Variants in TARBP1 observed in about 807,000 individuals in gnomAD.
TARBP1 encodes tRNA guanosine 2 -O-methyltransferase TARBP1, also known as tRNA (guanosine(18)-2'-O)-methyltransferase TARBP1.
TARBP1 carries 144 observed loss-of-function variants against 178.6 expected under a neutral mutation model. That is an observed-to-expected ratio of 0.81 (90% CI 0.70 to 0.93). TARBP1 has a LOEUF of 0.93. TARBP1 is among the 40% of genes least tolerant of loss of function. The pLI is 0.00. For missense variants in TARBP1, 2,067 were observed against 2,011.7 expected, an observed-to-expected ratio of 1.03 and a Z score of -0.53; for synonymous variants, 787 against 781.0, an observed-to-expected ratio of 1.01 and a Z score of -0.13.
Position 234,413,558 on chromosome 1 carries a change from T to A in TARBP1, c.3706-3027A>T, listed in dbSNP as rs531161066. 2.0e-5 allele frequency among the ~76,000 whole-genome samples: 3 copies of A among 152,196 alleles called. No homozygotes were observed. In the East Asian group the frequency reaches 5.8e-4, roughly 29 times the overall value. On this transcript the variant is annotated intron_variant, in intron 22 of 29. Transcript: ENST00000040877. The stretch of plus-strand genomic sequence containing the variant: ...AAAACAGACAATCAGTGTGCCTAGG[T>A]AGTGAATTGAGAATAGACCACACAG...
intron 29 of TARBP1, 114 bp from the exon 30 acceptor site, chr1:234,391,859 T>C: frequency 6.2e-6 from 7 of 1,130,954 alleles, no homozygotes; most frequent in Non-Finnish European, 8.9e-6. Context: ...ATTCTGAATG[T>C]TACTAAAAGA....
At chr1:234,398,618 TA>T in intron 25 of TARBP1, 65 bp from the exon 26 acceptor site, 1 of 1,206,444 alleles carries the variant, frequency 8.3e-7, no homozygotes, top group Non-Finnish European at 1.1e-6. Context: ...ATATAACATT[TA>T]AAATACAACT....
chr1:234,396,130 T>C (rs916199035), intron 26 of TARBP1, among the ~76,000 whole-genome samples: 2 of 152,216 alleles, frequency 1.3e-5, no homozygotes, highest in African/African-American at 4.8e-5. Context: ...ATGGAAAGTC[T>C]ATTACAACAT....
At chr1:234,450,592 T>C (rs1303146797) in intron 9 of TARBP1, 26 bp from the exon 10 acceptor site, 8 of 1,598,898 alleles carry the variant, frequency 5.0e-6, no homozygotes, top group Non-Finnish European at 6.8e-6. Flanking sequence ...GTTATTACTT[T>C]ATTTTAAAAA....
Position 234,429,658 on chromosome 1 carries a change from A to T in TARBP1, c.2629T>A (p.Ser877Thr), listed in dbSNP as rs2103127842. The T allele has an allele frequency of 1.9e-6, 3 of 1,601,284 alleles. No homozygotes were observed. The highest frequency in any genetic ancestry group is 4.5e-5 in the East Asian group (2 of 44,794). The change falls in exon 16 of 30, where the codon TCT (serine) becomes ACT (threonine). Residue 877 changes from serine to threonine, a missense_variant. Physicochemically the swap from Ser to Thr is moderately conservative, Grantham distance 58. Transcript: ENST00000040877. ...ACTATTTTTCCCCATCCTTGGGAAGATGACGATTCTTCCAAAACACTGAAA... is the reference window on the plus strand; with the variant it reads ...ACTATTTTTCCCCATCCTTGGGAAGTTGACGATTCTTCCAAAACACTGAAA... ...ECSSVLEESSSSQGWGKIVAQ... is the reference protein window; with the variant it reads ...ECSSVLEESSTSQGWGKIVAQ...
chr1:234,407,986 T>C (rs1661433149), intron 23 of TARBP1: 1 of 152,192 alleles, frequency 6.6e-6, no homozygotes, highest in Non-Finnish European at 1.5e-5. Context: ...AAACCCACTA[T>C]AATTCTCAAT....
At chr1:234,453,278 C>A (rs1666964448) in intron 9 of TARBP1, among the ~76,000 whole-genome samples, 1 of 150,174 alleles carries the variant, frequency 6.7e-6, no homozygotes, top group Admixed American at 6.6e-5. Flanking sequence ...TGTGTAGGGA[C>A]AGGAAGAGTG....
chr1:234,432,512 C>A (rs112152910), intron 14 of TARBP1, among the ~76,000 whole-genome samples: 1 of 152,018 alleles, frequency 6.6e-6, no homozygotes, highest in African/African-American at 2.4e-5. Flanking sequence ...GAAATACACA[C>A]TACAAGTGAG....
chr1:234,429,303 G>A lies in TARBP1; in HGVS notation c.2893C>T (p.Leu965Phe). Reference protein sequence around the residue: ...VPKLLTSSESLCIESFDMAWK... With the variant: ...VPKLLTSSESFCIESFDMAWK... ...GCCATGTCAAAAGACTCTATGCAGA[G>A]TGATTCAGAGGAAGTCAGAAGCTGG... Residue 965 changes from leucine to phenylalanine, a missense_variant, in exon 17 of 30, where the codon CTC (leucine) becomes TTC (phenylalanine). Coordinates refer to ENST00000040877, the MANE Select transcript of TARBP1 (RefSeq NM_005646.4). 6.3e-7 allele frequency: 1 copy of A among 1,580,572 alleles called. No individual in the cohort carries two copies. Among genetic ancestry groups the A allele is most frequent in the Non-Finnish European group, 8.5e-7 (1 of 1,171,184 alleles).
At chr1:234,448,021 C>A (rs1216463569) in intron 11 of TARBP1, among the ~76,000 whole-genome samples, 1 of 152,160 alleles carries the variant, frequency 6.6e-6, no homozygotes, top group Non-Finnish European at 1.5e-5. Flanking sequence ...CTCACTGCAA[C>A]CTCCGCCACC....
intron 9 of TARBP1, among the ~76,000 whole-genome samples, chr1:234,454,990 G>A (rs866837473): frequency 2.6e-5 from 4 of 152,182 alleles, no homozygotes; most frequent in East Asian, 3.8e-4. Flanking sequence ...ATATGAAGAC[G>A]AAGCAGAGAT....
At chr1:234,477,208 C>G (rs1381167812) in intron 1 of TARBP1, among the ~76,000 whole-genome samples, 1 of 149,732 alleles carries the variant, frequency 6.7e-6, no homozygotes, top group African/African-American at 2.5e-5. Context: ...ACAAACAAAA[C>G]TGCAAAATAA....
chr1:234,433,471 C>A lies in TARBP1; in HGVS notation c.2333G>T (p.Arg778Ile). Residue 778 changes from arginine (R) to isoleucine (I), a missense_variant, in exon 14 of 30, where the codon AGA (arginine) becomes ATA (isoleucine). Coordinates refer to ENST00000040877, the MANE Select transcript of TARBP1 (RefSeq NM_005646.4). Reference protein sequence around the residue: ...VGWKRGNPIWRVISLLKNASI... With the variant: ...VGWKRGNPIWIVISLLKNASI... ...TGCATTTTTCAAAAGAGAAATAACT[C>A]TCCAGATAGGGTTACCCCTTTTCCA... 1.9e-6 allele frequency: 3 copies of A among 1,614,120 alleles called. No homozygotes were observed. Among genetic ancestry groups the A allele is most frequent in the Non-Finnish European group, 2.5e-6 (3 of 1,180,006 alleles).
At chr1:234,460,621 C>G (rs187541399) in intron 6 of TARBP1, among the ~76,000 whole-genome samples, 1 of 152,054 alleles carries the variant, frequency 6.6e-6, no homozygotes, top group East Asian at 1.9e-4. Flanking sequence ...ACGGTGCAGC[C>G]GCTGTGGAAA....
intron 4 of TARBP1, among the ~76,000 whole-genome samples, chr1:234,466,195 C>T (rs138165361): frequency 6.6e-6 from 1 of 152,164 alleles, no homozygotes; most frequent in Admixed American, 6.5e-5. Flanking sequence ...CAATATACCA[C>T]AGCATATATT....
chr1:234,403,411 C>G (rs10910427), intron 24 of TARBP1, among the ~76,000 whole-genome samples: 5 of 151,984 alleles, frequency 3.3e-5, no homozygotes, highest in Admixed American at 1.3e-4. Flanking sequence ...CCAGACTGAA[C>G]AGTCTGTATT....
At chr1:234,425,634 T>C in intron 20 of TARBP1, 39 bp downstream of exon 20, 1 of 1,589,638 alleles carries the variant, frequency 6.3e-7, no homozygotes, top group South Asian at 1.1e-5. Flanking sequence ...GACCTCTGAC[T>C]GTTAAAAACA....
chr1:234,446,406 G>C (rs1028073629), intron 12 of TARBP1, among the ~76,000 whole-genome samples: 3 of 152,138 alleles, frequency 2.0e-5, no homozygotes, highest in African/African-American at 7.2e-5. Context: ...CTTTAGCAGA[G>C]TGGCAAACAG....
chr1:234,448,664 G>C (rs1426899553), intron 10 of TARBP1, 85 bp from the exon 11 acceptor site: 1 of 966,346 alleles, frequency 1.0e-6, no homozygotes, highest in Non-Finnish European at 1.6e-6. Context: ...AAATGATTAT[G>C]CCTTATTAAT....
Sources: gnomAD v4.1 joint callset for allele counts (sites outside exome capture counted in the v4.1 genomes callset) on GRCh38, gnomAD v4.1.1 for gene constraint, MANE v1.5 for transcripts, NCBI Gene and HGNC (gene_info 2026-07-23, HGNC 2026-07-21) for gene names.